The following PPP2CA variants were observed in gnomAD, a reference collection of about 807,000 sequenced individuals.
PPP2CA encodes protein phosphatase 2 catalytic subunit alpha, also known as serine/threonine-protein phosphatase 2A catalytic subunit alpha isoform.
PPP2CA carries 5 observed loss-of-function variants against 38.8 expected under a neutral mutation model. That is an observed-to-expected ratio of 0.13 (90% confidence interval 0.07 to 0.27). The LOEUF (loss-of-function observed/expected upper bound fraction) is 0.27. Among genes scored for constraint, PPP2CA ranks in the 10% least tolerant of loss-of-function variants. The probability of loss-of-function intolerance (pLI) is 1.00; values close to 1 mark genes in which losing one functional copy is unlikely to be tolerated. For synonymous variants in PPP2CA, 152 were observed against 134.0 expected (o/e 1.13, Z -0.93); for missense variants, 88 against 389.7 (o/e 0.23, Z 6.52).
At chr5:134,215,338 G>C (rs1449570033) in intron 1 of PPP2CA, among the ~76,000 whole-genome samples, 1 of 152,106 alleles carries the variant, frequency 6.6e-6, no homozygotes, top group Non-Finnish European at 1.5e-5. Flanking sequence ...GGGAGGCCGA[G>C]GCAGGTGGAT....
At chr5:134,212,113 T>C (rs1307988117) in intron 1 of PPP2CA, among the ~76,000 whole-genome samples, 1 of 57,594 alleles carries the variant, frequency 1.7e-5, no homozygotes, top group Non-Finnish European at 3.6e-5. Flanking sequence ...TGAGACTCCA[T>C]CTCAAAAATA....
At chr5:134,220,542 G>A (rs750655868) in intron 1 of PPP2CA, among the ~76,000 whole-genome samples, 14 of 149,090 alleles carry the variant, frequency 9.4e-5, no homozygotes, top group African/African-American at 2.9e-4. Flanking sequence ...GCCTGTGTAT[G>A]AGTGGAGGTT....
intron 1 of PPP2CA, among the ~76,000 whole-genome samples, chr5:134,218,612 G>T (rs1463429298): frequency 1.3e-5 from 2 of 151,654 alleles, no homozygotes; most frequent in African/African-American, 2.4e-5. Context: ...ACCACTCTGG[G>T]TCTCAGTTTC....
chr5:134,194,809 C>A lies in PPP2CA; in HGVS notation c.*2963G>T, dbSNP rs370064300. ...TTTTAATAGAGATGGGGTTTCACCA[C>A]GCTGGCCAGGCTGGTCTCGATCTCC... On this transcript the variant is annotated 3_prime_UTR_variant, in exon 7 of 7. Coordinates refer to ENST00000481195, the MANE Select transcript of PPP2CA (RefSeq NM_002715.4). 6.6e-6 allele frequency: 1 copy of A among 152,100 alleles called. No homozygotes were observed. Among genetic ancestry groups the A allele is most frequent in the Non-Finnish European group, 1.5e-5 (1 of 68,046 alleles). The allele number at this position is 152,100 out of a possible 1,614,324, so 9.4% of individuals were successfully genotyped here. A position where few individuals can be genotyped will look rare whatever the true frequency, so the allele number is the denominator to read the frequency against.
chr5:134,226,037 C>T lies in PPP2CA; in HGVS notation c.-176G>A, dbSNP rs1762575570. On this transcript the variant is annotated 5_prime_UTR_variant, in exon 1 of 7. Coordinates refer to ENST00000481195, the MANE Select transcript of PPP2CA (RefSeq NM_002715.4). ...TCGGCCGTCGGCCGCTGCGCCTCCTCCTCCGCTCGCTGAGGCTCCAGAGCT... is the reference window on the plus strand; with the variant it reads ...TCGGCCGTCGGCCGCTGCGCCTCCTTCTCCGCTCGCTGAGGCTCCAGAGCT... The T allele has an allele frequency of 5.6e-6, 3 of 540,196 alleles. No individual in the cohort carries two copies. The highest frequency in any genetic ancestry group is 9.7e-6 in the Non-Finnish European group (3 of 310,420). The allele number at this position is 540,196 out of a possible 1,614,324, so 33.5% of individuals were successfully genotyped here.
chr5:134,217,185 C>A (rs1239861953), intron 1 of PPP2CA, among the ~76,000 whole-genome samples: 1 of 151,946 alleles, frequency 6.6e-6, no homozygotes, highest in African/African-American at 2.4e-5. Context: ...GAGGCTGGGG[C>A]AGGAGAATTG....
At chr5:134,205,322 C>T (rs913635102) in intron 2 of PPP2CA, among the ~76,000 whole-genome samples, 1 of 151,738 alleles carries the variant, frequency 6.6e-6, no homozygotes, top group Non-Finnish European at 1.5e-5. Flanking sequence ...ATTATATTAC[C>T]TCTCCATACC....
chr5:134,213,607 G>A (rs187508901), intron 1 of PPP2CA, among the ~76,000 whole-genome samples: 5 of 151,848 alleles, frequency 3.3e-5, no homozygotes, highest in East Asian at 1.9e-4. Context: ...GCAATGTGGC[G>A]AGACCCTGTC....
intron 1 of PPP2CA, among the ~76,000 whole-genome samples, chr5:134,224,628 C>G (rs1329622388): frequency 6.6e-6 from 1 of 152,216 alleles, no homozygotes; most frequent in African/African-American, 2.4e-5. Flanking sequence ...ATGTTCACAG[C>G]AGAGATCAGC....
chr5:134,214,083 C>G (rs1323795435), intron 1 of PPP2CA, among the ~76,000 whole-genome samples: 1 of 152,046 alleles, frequency 6.6e-6, no homozygotes, highest in Non-Finnish European at 1.5e-5. Context: ...GAGCTGAGAT[C>G]GTGCCACTGC....
chr5:134,205,584 T>A (rs1198852872), intron 2 of PPP2CA: 2 of 220,870 alleles, frequency 9.1e-6, no homozygotes, highest in South Asian at 1.3e-4. Flanking sequence ...GGCTTCACCA[T>A]GTTCTCCAGG....
At chr5:134,215,599 T>A (rs578138146) in intron 1 of PPP2CA, among the ~76,000 whole-genome samples, 42 of 84,954 alleles carry the variant, frequency 4.9e-4, no homozygotes, top group Middle Eastern at 0.013. Context: ...AAAATAAAAA[T>A]AAAAAAGTAA....
rs2081664656 is a variant in PPP2CA, at chr5:134,225,819, C to G, written c.43G>C (p.Glu15Gln). ...AGCTGCTTGCACTCGTTCAGCTGCT[C>G]GATCCACTGGTCCAGCTCCTTGGTG... ...VFTKELDQWI[E>Q]QLNECKQLSE... is the part of the protein sequence containing the mutation. Residue 15 changes from glutamate (E) to glutamine (Q), a missense_variant, in exon 1 of 7, where the codon GAG (glutamate) becomes CAG (glutamine). Glu to Gln is a conservative substitution (Grantham distance 29). Transcript: ENST00000481195. The G allele has an allele frequency of 6.2e-7, 1 of 1,610,934 alleles. No homozygotes were observed. Among genetic ancestry groups the G allele is most frequent in the African/African-American group, 1.3e-5 (1 of 74,772 alleles).
chr5:134,220,456 C>CAGA (rs1554113716), intron 1 of PPP2CA, among the ~76,000 whole-genome samples: 2 of 54,048 alleles, frequency 3.7e-5, no homozygotes, highest in Admixed American at 5.8e-4. Context: ...GACTCTATCT[C>CAGA]AAAAAAAAAA....
chr5:134,215,328 G>A (rs1762293581), intron 1 of PPP2CA, among the ~76,000 whole-genome samples: 1 of 152,086 alleles, frequency 6.6e-6, no homozygotes, highest in Non-Finnish European at 1.5e-5. Flanking sequence ...CCAGCACTTC[G>A]GGAGGCCGAG....
Position 134,225,957 on chromosome 5 carries a change from G to C in PPP2CA, c.-96C>G. On this transcript the variant is annotated 5_prime_UTR_variant, in exon 1 of 7. Transcript: ENST00000481195. ...GCACACGCCGCCGCCGGTTCCTCGT[G>C]TACTTCTGGCGGCTGTTGAGGCTGG... 1 of 1,189,416 alleles carries C rather than the reference G, an allele frequency of 8.4e-7. No homozygotes were observed. Among genetic ancestry groups the C allele is most frequent in the South Asian group, 1.3e-5 (1 of 75,298 alleles). The allele number at this position is 1,189,416 out of a possible 1,614,324, so 73.7% of individuals were successfully genotyped here. A position where few individuals can be genotyped will look rare whatever the true frequency, so the allele number is the denominator to read the frequency against.
In PPP2CA at chr5:134,200,868, C is replaced by T. The variant is rs1375781913; in HGVS notation, c.576+117G>A. 3.6e-6 allele frequency: 3 copies of T among 844,318 alleles called. No homozygotes were observed. In the African/African-American group the frequency reaches 5.1e-5, roughly 14 times the overall value. The allele number at this position is 844,318 out of a possible 1,614,324, so 52.3% of individuals were successfully genotyped here. ...GAACAACAGGGCAGACAAGAGTGCT[C>T]ACACCTCAAGTTGTTTTTGAGAATT... On this transcript the variant is annotated intron_variant, in intron 4 of 6. Coordinates refer to ENST00000481195, the MANE Select transcript of PPP2CA (RefSeq NM_002715.4).
At chr5:134,206,623 G>T (rs902445877) in intron 1 of PPP2CA, among the ~76,000 whole-genome samples, 2 of 151,978 alleles carry the variant, frequency 1.3e-5, no homozygotes. Context: ...TCAGTAGTGG[G>T]GACCACAGGC....
chr5:134,218,029 G>C (rs78650005), intron 1 of PPP2CA, among the ~76,000 whole-genome samples: 12,375 of 152,274 alleles, frequency 0.081, 602 homozygotes, highest in South Asian at 0.16. Context: ...CCAGGTGATA[G>C]GAATTTTTCA....
Sources: allele counts gnomAD v4.1 joint callset (sites outside exome capture counted in the v4.1 genomes callset), GRCh38; gene constraint gnomAD v4.1.1; transcripts MANE v1.5; gene names NCBI Gene and HGNC (gene_info 2026-07-23, HGNC 2026-07-21).